SH3YL1: variants seen among roughly 807,000 people sequenced by gnomAD.
SH3YL1 encodes SH3 domain-containing YSC84-like protein 1.
A neutral mutation model predicts 45.8 loss-of-function variants in SH3YL1; 41 were observed. The observed-to-expected ratio is 0.89, with a 90% CI of 0.70 to 1.16. SH3YL1 has a LOEUF of 1.16. SH3YL1 is among the 50% of genes most tolerant of loss of function. The probability of loss-of-function intolerance (pLI) is 0.00; values close to 1 mark genes in which losing one functional copy is unlikely to be tolerated. For missense variants in SH3YL1, 389 were observed against 409.6 expected, an observed-to-expected ratio of 0.95 and a Z score of 0.43; for synonymous variants, 152 against 151.4, an observed-to-expected ratio of 1.00 and a Z score of -0.03.
intron 3 of SH3YL1, among the ~76,000 whole-genome samples, chr2:247,805 T>C (rs768597665): frequency 6.6e-6 from 1 of 152,244 alleles, no homozygotes. Flanking sequence ...AGATATTCAT[T>C]ATGAGTCTCA....
chr2:222,441 T>G (rs1295882652), intron 9 of SH3YL1: 1 of 152,296 alleles, frequency 6.6e-6, no homozygotes, highest in African/African-American at 2.4e-5. Context: ...AACACAGCCT[T>G]TGCTAAGCAC....
intron 4 of SH3YL1, chr2:242,788 T>C: frequency 1.3e-6 from 2 of 1,537,538 alleles, no homozygotes; most frequent in Non-Finnish European, 1.8e-6. Flanking sequence ...CGCTTTAGAT[T>C]CAAAGTTACC....
At chr2:230,880 C>G in intron 7 of SH3YL1, 143 bp downstream of exon 7, 1 of 750,062 alleles carries the variant, frequency 1.3e-6, no homozygotes, top group East Asian at 2.5e-5. Flanking sequence ...GTCAAGGTAG[C>G]ATGACCTTTT....
At chr2:229,797 T>C (rs887867754) in intron 8 of SH3YL1, 169 bp downstream of exon 8, 2 of 442,452 alleles carry the variant, frequency 4.5e-6, no homozygotes, top group Non-Finnish European at 8.3e-6. Flanking sequence ...ATTATAGCAA[T>C]GACAATTTGT....
At chr2:220,683 C>T (rs1459376389) in intron 9 of SH3YL1, among the ~76,000 whole-genome samples, 1 of 152,194 alleles carries the variant, frequency 6.6e-6, no homozygotes, top group Non-Finnish European at 1.5e-5. Flanking sequence ...GATCAGGATG[C>T]AAGCTAATGC....
chr2:249,626 T>C, intron 3 of SH3YL1, 105 bp downstream of exon 3: 2 of 801,910 alleles, frequency 2.5e-6, no homozygotes, highest in Non-Finnish European at 4.0e-6. Context: ...AAGTTTTAGT[T>C]GATATGCAGG....
At chr2:231,273 G>T in intron 6 of SH3YL1, 82 bp from the exon 7 acceptor site, 1 of 1,050,556 alleles carries the variant, frequency 9.5e-7, no homozygotes, top group Non-Finnish European at 1.4e-6. Context: ...CGCACACACG[G>T]TGTGTATATA....
chr2:241,525 A>G (rs1473860268), intron 4 of SH3YL1: 2 of 139,262 alleles, frequency 1.4e-5, no homozygotes, highest in South Asian at 2.4e-4. Context: ...ATCTGATGAA[A>G]AACATGGATC....
intron 4 of SH3YL1, among the ~76,000 whole-genome samples, chr2:243,107 T>G (rs539559887): frequency 1.3e-5 from 2 of 152,238 alleles, no homozygotes; most frequent in Admixed American, 6.5e-5. Context: ...CTTTTAATAA[T>G]GAAGAGAACA....
At position 233,210 on chromosome 2, in the gene SH3YL1, C is replaced by A. The variant is rs1363596800; in HGVS notation, c.424G>T (p.Ala142Ser). Residue 142 changes from alanine to serine, a missense_variant, in exon 6 of 10, where the codon GCC becomes TCC. Transcript: ENST00000356150. ...AAGACGGCAGCGGAGCTTCTCAGGGCCACGTTTCCTTCCAAGTTCCTGCAA... is the reference window on the plus strand; with the variant it reads ...AAGACGGCAGCGGAGCTTCTCAGGGACACGTTTCCTTCCAAGTTCCTGCAA... ...PLGRNLEGNVALRSSAAVFTY... is the reference protein window; with the variant it reads ...PLGRNLEGNVSLRSSAAVFTY... The A allele has an allele frequency of 1.3e-6, 2 of 1,577,010 alleles. No homozygotes were observed. Among genetic ancestry groups the A allele is most frequent in the South Asian group, 2.3e-5 (2 of 85,424 alleles).
chr2:252,221 G>A (rs1340871342), intron 2 of SH3YL1, among the ~76,000 whole-genome samples: 4 of 152,214 alleles, frequency 2.6e-5, no homozygotes, highest in Non-Finnish European at 5.9e-5. Context: ...GGATACTGAT[G>A]CACATCTGTG....
In SH3YL1 at chr2:244,181, T is replaced by C. The variant is rs529425566; in HGVS notation, c.291+3357A>G. Among the ~76,000 whole-genome samples, 9 of 149,330 alleles carry C rather than the reference T, an allele frequency of 6.0e-5. No individual in the cohort carries two copies. The East Asian group carries it at 1.4e-3, about 24-fold the overall frequency. On this transcript the variant is annotated intron_variant, in intron 4 of 9. Coordinates refer to ENST00000356150, the MANE Select transcript of SH3YL1 (RefSeq NM_015677.4). ...CATGGCTATGAAAATGATTCCATAATAGCATGTGTACAAGTTTTGTAAAAA... is the reference window on the plus strand; with the variant it reads ...CATGGCTATGAAAATGATTCCATAACAGCATGTGTACAAGTTTTGTAAAAA...
chr2:260,220 AAT>A (rs1159617017), intron 1 of SH3YL1: 2 of 152,230 alleles, frequency 1.3e-5, no homozygotes. Flanking sequence ...CTAGATGCTC[AAT>A]ATGTTTTAAT....
rs73911040 is a variant in SH3YL1, at chr2:234,801, A to C, written c.292-529T>G. On this transcript the variant is annotated intron_variant, in intron 4 of 9. Coordinates refer to ENST00000356150, the MANE Select transcript of SH3YL1 (RefSeq NM_015677.4). ...GGAAGCTGTGAACCTGGGCCACTTC[A>C]CTATAGGTCACAGAAGCTCAACACA... is the stretch of plus-strand genomic sequence containing the variant. Among the ~76,000 whole-genome samples, 426 of 152,194 alleles carry C rather than the reference A, an allele frequency of 2.8e-3. 3 individuals are homozygous for C. Among genetic ancestry groups the C allele is most frequent in the African/African-American group, 9.8e-3 (405 of 41,508 alleles).
At chr2:229,845 C>A in intron 8 of SH3YL1, 121 bp downstream of exon 8, 2 of 674,616 alleles carry the variant, frequency 3.0e-6, no homozygotes, top group Non-Finnish European at 4.9e-6. Context: ...TTATTTTACT[C>A]TTAAATATGT....
In SH3YL1 at chr2:232,701, T is replaced by C. The variant is rs532544150; in HGVS notation, c.533+400A>G. Reference sequence around the variant, plus strand: ...AATGAGAACATGTGGTGTTTGGTTTTCTGTCCTTGTGATAGTTTGCTGAGA... The same window carrying C: ...AATGAGAACATGTGGTGTTTGGTTTCCTGTCCTTGTGATAGTTTGCTGAGA... On this transcript the variant is annotated intron_variant, in intron 6 of 9. Coordinates refer to ENST00000356150, the MANE Select transcript of SH3YL1 (RefSeq NM_015677.4). Among the ~76,000 whole-genome samples, 7 of 152,190 alleles carry C rather than the reference T, an allele frequency of 4.6e-5. 1 individual carries two copies. Among genetic ancestry groups the C allele is most frequent in the African/African-American group, 1.7e-4 (7 of 41,512 alleles).
rs189093901 is a variant in SH3YL1 at position 239,553 on chromosome 2, C to A, written c.292-5281G>T. ...AGAAGTGAAAGGGGGTATTTAAGGA[C>A]CATTTTATTCAACTTAAAAATTTTT... On this transcript the variant is annotated intron_variant, in intron 4 of 9. Transcript: ENST00000356150. The A allele has an allele frequency of 1.1e-4, 16 of 152,212 alleles. No homozygotes were observed. In the East Asian group the frequency reaches 2.9e-3, roughly 28 times the overall value. The allele number at this position is 152,212 out of a possible 1,614,324, so 9.4% of individuals were successfully genotyped here.
chr2:251,825 T>C (rs1045659337), intron 2 of SH3YL1, among the ~76,000 whole-genome samples: 1 of 152,204 alleles, frequency 6.6e-6, no homozygotes, highest in African/African-American at 2.4e-5. Flanking sequence ...ATTAAGATTA[T>C]TAAAACAACA....
intron 4 of SH3YL1, among the ~76,000 whole-genome samples, chr2:235,147 A>C (rs2103029948): frequency 6.6e-6 from 1 of 152,350 alleles, no homozygotes; most frequent in Non-Finnish European, 1.5e-5. Flanking sequence ...AAAGTGCTGG[A>C]TTACAGGCGT....
Sources: allele counts gnomAD v4.1 joint callset (sites outside exome capture counted in the v4.1 genomes callset), GRCh38; gene constraint gnomAD v4.1.1; transcripts MANE v1.5; gene names NCBI Gene and HGNC (gene_info 2026-07-23, HGNC 2026-07-21).